Variants in TAL1 observed in about 807,000 individuals in gnomAD.
The protein encoded by TAL1 is T-cell acute lymphocytic leukemia protein 1.
Under a neutral mutation model 17.9 loss-of-function variants are expected in TAL1, and 8 were observed. The observed-to-expected ratio is 0.45, with a 90% confidence interval of 0.26 to 0.81. TAL1 has a LOEUF of 0.81. Among genes scored for constraint, TAL1 ranks in the 30% least tolerant of loss-of-function variants. The pLI is 0.17. For missense variants in TAL1, 466 were observed against 486.9 expected (o/e 0.96, Z 0.40); for synonymous variants, 223 against 218.6 (o/e 1.02, Z -0.18).
At chr1:47,231,654 CACAG>C (rs1256853015), upstream of TAL1, 3 of 234,074 alleles carry the variant, frequency 1.3e-5, no homozygotes, top group Non-Finnish European at 1.7e-5. Flanking sequence ...CACCCCCACA[CACAG>C]AATCAGATCC....
At chr1:47,225,872 G>A (rs768460000) in exon 2 of TAL1, 5 of 1,577,428 alleles carry the variant, frequency 3.2e-6, no homozygotes, top group Non-Finnish European at 4.3e-6. Flanking sequence ...CGCCTCGCTC[G>A]GCGGCCGCTC....
exon 4 of TAL1, chr1:47,217,235 A>G (rs1191691886): frequency 3.2e-6 from 1 of 313,040 alleles, no homozygotes; most frequent in Non-Finnish European, 5.8e-6. Flanking sequence ...AAAAAAAGTA[A>G]AAATTAGCCA....
At chr1:47,223,248 C>G (rs951984735) in intron 3 of TAL1, 9 of 152,376 alleles carry the variant, frequency 5.9e-5, no homozygotes, top group African/African-American at 2.2e-4. Context: ...TCCCTCAGCT[C>G]TGAAGTGCCT....
exon 4 of TAL1, chr1:47,217,146 A>G: frequency 4.2e-6 from 1 of 240,628 alleles, no homozygotes; most frequent in Admixed American, 5.6e-5. Flanking sequence ...TCTGGAGGCA[A>G]AGGCAGGAGA....
chr1:47,219,605 T>C, exon 4 of TAL1: 1 of 1,497,610 alleles, frequency 6.7e-7, no homozygotes, highest in Non-Finnish European at 9.0e-7. Flanking sequence ...TCCAGGAAAG[T>C]TCAAGTCCAC....
chr1:47,218,178 A>C (rs1253954233), exon 4 of TAL1: 4 of 237,144 alleles, frequency 1.7e-5, no homozygotes, highest in Non-Finnish European at 3.3e-5. Context: ...TCTGACCTCG[A>C]AGGCAGAGCC....
chr1:47,219,545 A>G (rs767311537), exon 4 of TAL1: 37 of 1,052,530 alleles, frequency 3.5e-5, no homozygotes, highest in Non-Finnish European at 5.0e-5. Context: ...TGGTACAGGA[A>G]ACAGAAAAGC....
At chr1:47,217,000 G>A (rs1005496630) in exon 4 of TAL1, 52 of 231,600 alleles carry the variant, frequency 2.2e-4, no homozygotes, top group Non-Finnish European at 7.7e-5. Flanking sequence ...TTGGGTAGTT[G>A]CATTACATTT....
chr1:47,223,757 G>A (rs929068158), intron 3 of TAL1: 3 of 461,586 alleles, frequency 6.5e-6, no homozygotes, highest in African/African-American at 3.9e-5. Context: ...TTTGGGCTAA[G>A]CGCCATTATG....
exon 2 of TAL1, chr1:47,225,684 C>T: frequency 7.0e-7 from 1 of 1,426,250 alleles, no homozygotes; most frequent in Non-Finnish European, 9.1e-7. Flanking sequence ...CTCGCGGCGC[C>T]GCCCCCACCG....
At chr1:47,231,732 G>A, upstream of TAL1, 1 of 233,488 alleles carries the variant, frequency 4.3e-6, no homozygotes. Context: ...GGCCTCGAAG[G>A]GTCCACATCT....
intron 3 of TAL1, among the ~76,000 whole-genome samples, chr1:47,220,478 G>A (rs908211659): frequency 2.6e-5 from 4 of 152,218 alleles, no homozygotes; most frequent in African/African-American, 9.6e-5. Flanking sequence ...GACAGGGACC[G>A]TATGTTATTC....
At chr1:47,228,585 C>G (rs1403109866) in intron 1 of TAL1, 1 of 175,780 alleles carries the variant, frequency 5.7e-6, no homozygotes, top group East Asian at 9.7e-5. Flanking sequence ...TCAAGCAGAC[C>G]CAATCCCCCA....
upstream of TAL1, chr1:47,232,187 C>G (rs1557684810): frequency 1.0e-5 from 2 of 195,448 alleles, no homozygotes; most frequent in Non-Finnish European, 2.1e-5. Context: ...TACGGGGGTA[C>G]GCGTGTGGCC....
chr1:47,218,847 T>A (rs1404028168), exon 4 of TAL1: 2 of 242,710 alleles, frequency 8.2e-6, no homozygotes, highest in Non-Finnish European at 1.6e-5. Flanking sequence ...CGTACGCCCA[T>A]CAGCACACTG....
exon 4 of TAL1, chr1:47,216,299 T>C (rs1311682343): frequency 9.8e-6 from 2 of 203,144 alleles, no homozygotes; most frequent in Admixed American, 1.2e-4. Flanking sequence ...GGCCCCTTTG[T>C]AAAACTTTTA....
exon 4 of TAL1, chr1:47,216,577 T>TC (rs1321575515): frequency 4.3e-6 from 1 of 231,770 alleles, no homozygotes; most frequent in Non-Finnish European, 8.5e-6. Context: ...CAGCAGAGGG[T>TC]CACGTACCAT....
At chr1:47,230,377 T>G (rs752691328), upstream of TAL1, 8 of 152,202 alleles carry the variant, frequency 5.3e-5, no homozygotes, top group Non-Finnish European at 1.2e-4. Flanking sequence ...AAGGCCTCCT[T>G]CTATTTGCCG....
intron 3 of TAL1, among the ~76,000 whole-genome samples, chr1:47,221,411 C>T (rs1643804109): frequency 1.3e-5 from 2 of 152,124 alleles, no homozygotes; most frequent in South Asian, 4.1e-4. Flanking sequence ...GGAGCAGTGG[C>T]AGATACCAGC....
Sources: gnomAD v4.1 joint callset for allele counts (sites outside exome capture counted in the v4.1 genomes callset) on GRCh38, gnomAD v4.1.1 for gene constraint, MANE v1.5 for transcripts, NCBI Gene and HGNC (gene_info 2026-07-23, HGNC 2026-07-21) for gene names.